Variants in C12orf42 observed in about 807,000 individuals in gnomAD.
The protein encoded by C12orf42 is uncharacterized protein C12orf42.
C12orf42 carries 25 observed loss-of-function variants against 21.6 expected under a neutral mutation model. The observed-to-expected ratio is 1.16, with a 90% CI of 0.84 to 1.62. The LOEUF (loss-of-function observed/expected upper bound fraction) is 1.62. C12orf42 is among the 40% of genes most tolerant of loss of function. C12orf42 has a pLI of 0.00. For missense variants in C12orf42, 483 were observed against 459.3 expected (o/e 1.05, Z -0.47); for synonymous variants, 174 against 175.0 (o/e 0.99, Z 0.05).
At chr12:103,484,484 C>A (rs181642475) in intron 1 of C12orf42, among the ~76,000 whole-genome samples, 1 of 152,084 alleles carries the variant, frequency 6.6e-6, no homozygotes, top group Non-Finnish European at 1.5e-5. Context: ...CTGTTAGTAT[C>A]CTTTGCCCAC....
intron 3 of C12orf42, among the ~76,000 whole-genome samples, chr12:103,371,689 T>C (rs944906427): frequency 6.6e-6 from 1 of 152,026 alleles, no homozygotes; most frequent in Admixed American, 6.6e-5. Flanking sequence ...CCACTGCCCA[T>C]CTGGACAGCA....
chr12:103,391,845 T>C (rs1224675793), intron 3 of C12orf42, among the ~76,000 whole-genome samples: 3 of 152,134 alleles, frequency 2.0e-5, no homozygotes, highest in Non-Finnish European at 4.4e-5. Context: ...AGGTCCAATT[T>C]ATCTATATTT....
chr12:103,197,455 C>A, the C12orf42 span, among the ~76,000 whole-genome samples: 3 of 152,278 alleles, frequency 2.0e-5, no homozygotes, highest in African/African-American at 7.2e-5. Context: ...TCTCTCAGAT[C>A]TTGTATTGTT....
At chr12:103,164,762 G>C in the C12orf42 span, 1 of 453,188 alleles carries the variant, frequency 2.2e-6, no homozygotes, top group Non-Finnish European at 4.4e-6. Context: ...CTCCAGACAA[G>C]AGTAGGCTTT....
chr12:103,484,902 C>T (rs1300005156), intron 1 of C12orf42, among the ~76,000 whole-genome samples: 4 of 116,348 alleles, frequency 3.4e-5, no homozygotes, highest in Non-Finnish European at 6.5e-5. Context: ...AGGAGTCTCT[C>T]TCTGTCGCCC....
intron 2 of C12orf42, among the ~76,000 whole-genome samples, chr12:103,472,418 C>T (rs1953703417): frequency 6.6e-6 from 1 of 152,126 alleles, no homozygotes; most frequent in African/African-American, 2.4e-5. Flanking sequence ...TAATATGAGA[C>T]TATTTAATAA....
the C12orf42 span, among the ~76,000 whole-genome samples, chr12:103,074,913 T>C: frequency 1.3e-5 from 2 of 151,954 alleles, no homozygotes; most frequent in Non-Finnish European, 1.5e-5. Context: ...TAGGGAGACT[T>C]TGTCTCTACA....
At chr12:103,192,770 G>A in the C12orf42 span, among the ~76,000 whole-genome samples, 3 of 152,154 alleles carry the variant, frequency 2.0e-5, no homozygotes, top group Middle Eastern at 3.2e-3. Flanking sequence ...TCTGAAGGGA[G>A]AAATAGACAG....
At chr12:103,260,336 A>G (rs1363415780) in intron 10 of C12orf42, among the ~76,000 whole-genome samples, 1 of 152,230 alleles carries the variant, frequency 6.6e-6, no homozygotes, top group African/African-American at 2.4e-5. Context: ...TTGCGCTGAC[A>G]CATGATGAAG....
downstream of C12orf42, among the ~76,000 whole-genome samples, chr12:103,266,615 A>G (rs1399173812): frequency 6.6e-6 from 1 of 152,080 alleles, no homozygotes; most frequent in Non-Finnish European, 1.5e-5. Context: ...TTTTTTTTTA[A>G]CTGTATCTAA....
intron 4 of C12orf42, among the ~76,000 whole-genome samples, chr12:103,323,791 C>A (rs1324729714): frequency 6.6e-6 from 1 of 151,958 alleles, no homozygotes; most frequent in Non-Finnish European, 1.5e-5. Context: ...AGCTAGTATC[C>A]AAAGAACTGA....
intron 4 of C12orf42, among the ~76,000 whole-genome samples, chr12:103,324,301 GA>G (rs1268181055): frequency 7.9e-5 from 12 of 151,950 alleles, no homozygotes; most frequent in African/African-American, 2.7e-4. Context: ...TAGAAGAAGA[GA>G]TAATAACTTA....
chr12:103,170,981 C>G, the C12orf42 span, among the ~76,000 whole-genome samples: 10 of 152,092 alleles, frequency 6.6e-5, no homozygotes, highest in African/African-American at 2.4e-4. Flanking sequence ...TTACCCTATA[C>G]TCATCCCATT....
chr12:103,457,120 C>T (rs1952351561), intron 2 of C12orf42, among the ~76,000 whole-genome samples: 1 of 152,148 alleles, frequency 6.6e-6, no homozygotes, highest in Non-Finnish European at 1.5e-5. Flanking sequence ...AAGAACTACT[C>T]TGTTCACAGA....
chr12:103,487,262 G>C (rs986531178), intron 1 of C12orf42, among the ~76,000 whole-genome samples: 72 of 152,334 alleles, frequency 4.7e-4, no homozygotes, highest in African/African-American at 1.6e-3. Context: ...TAGTTGTGCA[G>C]TTTTGAGTGA....
the C12orf42 span, among the ~76,000 whole-genome samples, chr12:103,050,651 C>G: frequency 3.9e-5 from 6 of 152,006 alleles, no homozygotes; most frequent in African/African-American, 1.4e-4. Flanking sequence ...AGACTCTTCA[C>G]CTGCTCAGAG....
chr12:103,266,620 A>G (rs2035185388), downstream of C12orf42, among the ~76,000 whole-genome samples: 1 of 152,110 alleles, frequency 6.6e-6, no homozygotes. Context: ...TTTTAACTGT[A>G]TCTAAGGTTG....
chr12:103,398,676 T>A (rs938216348), intron 3 of C12orf42, among the ~76,000 whole-genome samples: 5 of 152,138 alleles, frequency 3.3e-5, no homozygotes, highest in African/African-American at 1.2e-4. Flanking sequence ...TTAGTGTGAA[T>A]AGATATATAA....
At chr12:103,114,790 AC>A in the C12orf42 span, among the ~76,000 whole-genome samples, 1 of 152,206 alleles carries the variant, frequency 6.6e-6, no homozygotes, top group Non-Finnish European at 1.5e-5. Context: ...TGTGTCCTTG[AC>A]TTTTTCTGTT....
Sources: gnomAD v4.1 joint callset for allele counts (sites outside exome capture counted in the v4.1 genomes callset) on GRCh38, gnomAD v4.1.1 for gene constraint, MANE v1.5 for transcripts, NCBI Gene and HGNC (gene_info 2026-07-23, HGNC 2026-07-21) for gene names.